Variants in RNPEP observed in about 807,000 individuals in gnomAD.
RNPEP encodes aminopeptidase B.
Under a neutral mutation model 70.1 loss-of-function variants are expected in RNPEP, and 57 were observed. That is an observed-to-expected ratio of 0.81 (90% confidence interval 0.66 to 1.01). The LOEUF (loss-of-function observed/expected upper bound fraction) is 1.01. RNPEP is among the 50% of genes least tolerant of loss of function. The pLI is 0.00. For synonymous variants in RNPEP, 335 were observed against 357.4 expected (o/e 0.94, Z 0.71); for missense variants, 787 against 852.4 (o/e 0.92, Z 0.96).
chr1:201,983,449 C>T, intron 1 of RNPEP: 2 of 1,413,262 alleles, frequency 1.4e-6, no homozygotes, highest in Non-Finnish European at 1.9e-6. Flanking sequence ...CTAACATTTT[C>T]CGTGGCTTTC....
intron 1 of RNPEP, chr1:201,983,616 G>T (rs1233721281): frequency 2.4e-6 from 3 of 1,249,294 alleles, no homozygotes; most frequent in Non-Finnish European, 3.1e-6. Context: ...CTAGTTCCAC[G>T]GTTAAAGCTC....
At chr1:202,001,106 C>T (rs1314809786) in intron 6 of RNPEP, 1 of 435,388 alleles carries the variant, frequency 2.3e-6, no homozygotes, top group African/African-American at 2.0e-5. Flanking sequence ...GAATGGCCCT[C>T]TGAGATCTTG....
intron 5 of RNPEP, among the ~76,000 whole-genome samples, chr1:201,998,230 CTTTTTTTTTT>C (rs34549362): frequency 4.3e-5 from 5 of 116,680 alleles, no homozygotes; most frequent in African/African-American, 1.0e-4. Context: ...TGGGTCTGAA[CTTTTTTTTTT>C]TTTTTTTTTT....
rs576031219 is a variant in RNPEP at position 201,998,460 on chromosome 1, G to A, written c.1090+906G>A. Among the ~76,000 whole-genome samples, 18 of 152,158 alleles carry A rather than the reference G, an allele frequency of 1.2e-4. No individual in the cohort carries two copies. In the East Asian group the frequency reaches 2.7e-3, roughly 23 times the overall value. ...AGGATTTCGGCATATTGGCCAGACT[G>A]GTCTTGAACTCCTGGCCTCAAGTGA... On this transcript the variant is annotated intron_variant, in intron 5 of 10. Coordinates refer to ENST00000295640, the MANE Select transcript of RNPEP (RefSeq NM_020216.4).
At chr1:201,987,542 A>G (rs1409673506) in intron 1 of RNPEP, among the ~76,000 whole-genome samples, 2 of 149,132 alleles carry the variant, frequency 1.3e-5, no homozygotes, top group African/African-American at 2.5e-5. Context: ...GGTTCAAGCA[A>G]TTCTCCTGCC....
intron 1 of RNPEP, among the ~76,000 whole-genome samples, chr1:201,986,396 A>G (rs1683132922): frequency 6.6e-6 from 1 of 152,034 alleles, no homozygotes; most frequent in South Asian, 2.1e-4. Context: ...AGCCCAGCCA[A>G]CCTTGACAGT....
In RNPEP at chr1:201,989,537, A is replaced by G; in HGVS notation, c.737+6A>G. On this transcript the variant is annotated splice_donor_region_variant and intron_variant, in intron 3 of 10. Transcript: ENST00000295640. ...TCGGCTGAAGTTGGACCCAGGTAGG[A>G]GACAAAGACCCCACAGGCAAGGTTG... 4 of 1,614,054 alleles carry G rather than the reference A, an allele frequency of 2.5e-6. No individual in the cohort carries two copies. The highest frequency in any genetic ancestry group is 2.5e-6 in the Non-Finnish European group (3 of 1,180,012).
chr1:202,000,055 T>A, intron 6 of RNPEP, 40 bp downstream of exon 6: 1 of 1,461,588 alleles, frequency 6.8e-7, no homozygotes, highest in South Asian at 1.2e-5. Flanking sequence ...CTCCCCTCAA[T>A]TGAGCTTGGA....
intron 1 of RNPEP, among the ~76,000 whole-genome samples, chr1:201,984,824 T>TTTTCGTTTTC (rs1273239535): frequency 1.1e-4 from 1 of 9,288 alleles, no homozygotes; most frequent in Non-Finnish European, 2.6e-4. Context: ...TTTCTTTCTT[T>TTTTCGTTTTC]TTTTTTTTTT....
chr1:201,997,524 G>T lies in RNPEP; in HGVS notation c.1060G>T (p.Ala354Ser), dbSNP rs200764787. 2 of 1,613,954 alleles carry T rather than the reference G, an allele frequency of 1.2e-6. No individual in the cohort carries two copies. Among genetic ancestry groups the T allele is most frequent in the Admixed American group, 1.7e-5 (1 of 60,012 alleles). Residue 354 changes from alanine to serine, a missense_variant, in exon 5 of 11, where the codon GCC becomes TCC. Transcript: ENST00000295640. ...FWLNEGFTMY[A>S]QRRISTILFG... ...GCTCAATGAAGGTTTCACCATGTAC[G>T]CCCAGAGGAGGATCTCCACCATCCT...
At chr1:201,983,920 G>A (rs1683032648) in intron 1 of RNPEP, 1 of 938,702 alleles carries the variant, frequency 1.1e-6, no homozygotes, top group African/African-American at 1.8e-5. Flanking sequence ...TAAACTGCTT[G>A]CTTACAGTTT....
chr1:202,001,183 G>A, intron 6 of RNPEP, 193 bp from the exon 7 acceptor site: 1 of 586,214 alleles, frequency 1.7e-6, no homozygotes, highest in South Asian at 2.2e-5. Context: ...TCTTAAGAGA[G>A]AGAGTCTTGG....
intron 1 of RNPEP, among the ~76,000 whole-genome samples, chr1:201,987,983 A>T (rs972697067): frequency 1.8e-4 from 28 of 151,758 alleles, no homozygotes; most frequent in Non-Finnish European, 3.5e-4. Context: ...TCTACTAAAA[A>T]TACAAAATTA....
intron 3 of RNPEP, among the ~76,000 whole-genome samples, chr1:201,991,407 G>A (rs6691786): frequency 3.3e-5 from 5 of 152,132 alleles, no homozygotes; most frequent in African/African-American, 1.2e-4. Flanking sequence ...CCACCACGCC[G>A]GGCCGTGGGG....
At chr1:201,990,025 C>T (rs1467724388) in intron 3 of RNPEP, among the ~76,000 whole-genome samples, 1 of 151,924 alleles carries the variant, frequency 6.6e-6, no homozygotes, top group Non-Finnish European at 1.5e-5. Flanking sequence ...TTGTATTTTT[C>T]GTAGAGACGG....
intron 1 of RNPEP, among the ~76,000 whole-genome samples, chr1:201,988,598 C>T (rs1040809510): frequency 6.6e-6 from 1 of 151,860 alleles, no homozygotes; most frequent in Non-Finnish European, 1.5e-5. Context: ...GTGAAAAGGA[C>T]ACAGATAGGG....
At chr1:201,998,931 C>CT (rs1281894560) in intron 5 of RNPEP, among the ~76,000 whole-genome samples, 1 of 152,126 alleles carries the variant, frequency 6.6e-6, no homozygotes, top group African/African-American at 2.4e-5. Flanking sequence ...GAAAATAATT[C>CT]TAAGTTTTCA....
rs1571649566 is a variant in RNPEP, at chr1:202,003,323, G to A, written c.1513G>A (p.Ala505Thr). The change falls in exon 9 of 11, where the codon GCT (alanine) becomes ACT (threonine). Residue 505 changes from alanine (A) to threonine (T), a missense_variant. Ala to Thr is a moderately conservative substitution (Grantham distance 58). Coordinates refer to ENST00000295640, the MANE Select transcript of RNPEP (RefSeq NM_020216.4). ...LSPGDSLMKP[A>T]EELAQLWAAE... ...CCCTGGGGACTCACTCATGAAGCCT[G>A]CTGAAGAGCTAGCCCAACTGTGGGC... 6.2e-7 allele frequency: 1 copy of A among 1,614,176 alleles called. No homozygotes were observed. Among genetic ancestry groups the A allele is most frequent in the Non-Finnish European group, 8.5e-7 (1 of 1,180,044 alleles).
At chr1:201,989,556 A>G (rs771322287) in intron 3 of RNPEP, 25 bp downstream of exon 3, 1 of 1,613,586 alleles carries the variant, frequency 6.2e-7, no homozygotes, top group South Asian at 1.1e-5. Context: ...CCCCACAGGC[A>G]AGGTTGGATT....
Sources: gnomAD v4.1 joint callset for allele counts (sites outside exome capture counted in the v4.1 genomes callset) on GRCh38, gnomAD v4.1.1 for gene constraint, MANE v1.5 for transcripts, NCBI Gene and HGNC (gene_info 2026-07-23, HGNC 2026-07-21) for gene names.